The following NPY2R variants were observed in gnomAD, a reference collection of about 807,000 sequenced individuals.
NPY2R encodes neuropeptide Y receptor Y2.
NPY2R carries 17 observed loss-of-function variants against 22.3 expected under a neutral mutation model. The ratio of observed to expected loss-of-function variants is 0.76; its 90% CI spans 0.52 to 1.14. The LOEUF is 1.14. Among genes scored for constraint, NPY2R ranks in the 50% most tolerant of loss-of-function variants. NPY2R has a pLI of 0.00. For synonymous variants in NPY2R, 209 were observed against 183.4 expected (o/e 1.14, Z -1.13); for missense variants, 424 against 467.9 (o/e 0.91, Z 0.87).
the NPY2R span, among the ~76,000 whole-genome samples, chr4:155,175,480 A>G: frequency 6.6e-6 from 1 of 152,128 alleles, no homozygotes; most frequent in Non-Finnish European, 1.5e-5. Flanking sequence ...TCCAAATCTT[A>G]GCCTAGTCTT....
chr4:155,178,027 A>G, the NPY2R span, among the ~76,000 whole-genome samples: 1 of 152,094 alleles, frequency 6.6e-6, no homozygotes, highest in Non-Finnish European at 1.5e-5. Context: ...AAACAGTCTA[A>G]TTTTAGTTAT....
At chr4:155,194,983 T>A in the NPY2R span, among the ~76,000 whole-genome samples, 1 of 152,098 alleles carries the variant, frequency 6.6e-6, no homozygotes, top group South Asian at 2.1e-4. Context: ...TCTCTAATGA[T>A]CAGGCATTTT....
chr4:155,203,495 G>C, the NPY2R span, among the ~76,000 whole-genome samples: 5 of 152,102 alleles, frequency 3.3e-5, no homozygotes, highest in African/African-American at 1.2e-4. Context: ...CTATTTTAAA[G>C]TAGTACACTT....
chr4:155,179,393 CA>C, the NPY2R span, among the ~76,000 whole-genome samples: 1 of 152,118 alleles, frequency 6.6e-6, no homozygotes, highest in Non-Finnish European at 1.5e-5. Flanking sequence ...AATTTTTTGG[CA>C]AGCTGTCAAG....
chr4:155,193,246 C>A, the NPY2R span, among the ~76,000 whole-genome samples: 2 of 151,832 alleles, frequency 1.3e-5, no homozygotes, highest in Admixed American at 1.3e-4. Context: ...TACCATTACC[C>A]CTCTTTCACA....
At chr4:155,185,732 A>G in the NPY2R span, among the ~76,000 whole-genome samples, 1 of 151,370 alleles carries the variant, frequency 6.6e-6, no homozygotes, top group Non-Finnish European at 1.5e-5. Context: ...CAAGTTGTTG[A>G]AAGTTTCTTG....
At chr4:155,203,552 T>C in the NPY2R span, among the ~76,000 whole-genome samples, 71,886 of 151,748 alleles carry the variant, frequency 0.47, 17,981 homozygotes, top group African/African-American at 0.64. Flanking sequence ...CAATTATATC[T>C]GTTCAGGTAT....
chr4:155,206,426 A>G (rs564388421), upstream of NPY2R: 6 of 152,354 alleles, frequency 3.9e-5, no homozygotes, highest in East Asian at 1.2e-3. Flanking sequence ...ACATTTAAGG[A>G]TATGAATTAG....
upstream of NPY2R, among the ~76,000 whole-genome samples, chr4:155,205,470 C>T (rs554839024): frequency 1.3e-4 from 20 of 152,228 alleles, 1 homozygote; most frequent in South Asian, 3.9e-3. Flanking sequence ...CACAAGTGGT[C>T]CTCAATACTG....
chr4:155,208,095 G>C (rs551483225), upstream of NPY2R: 2 of 152,394 alleles, frequency 1.3e-5, no homozygotes, highest in Non-Finnish European at 2.9e-5. The surrounding 1 kb of genome is among the most constrained non-coding windows in gnomAD (Gnocchi z 5.6). Flanking sequence ...CCCTGGGCGA[G>C]GGTGCGGAGG....
the NPY2R span, among the ~76,000 whole-genome samples, chr4:155,185,305 T>C: frequency 1.3e-5 from 2 of 152,140 alleles, no homozygotes; most frequent in African/African-American, 4.8e-5. Context: ...CCCAAAGTGA[T>C]GGGATTACAG....
chr4:155,174,462 T>TATATATATACATATATATATATATATA, the NPY2R span, among the ~76,000 whole-genome samples: 1 of 116,674 alleles, frequency 8.6e-6, no homozygotes, highest in African/African-American at 4.5e-5. Context: ...TGGCTAAGCT[T>TATATATATACATATATATATATATATA]TATATATATA....
At position 155,215,032 on chromosome 4, in the gene NPY2R, G is replaced by T. The variant is rs773627985; in HGVS notation, c.1093G>T (p.Val365Phe). 1.2e-6 allele frequency: 2 copies of T among 1,613,948 alleles called. No homozygotes were observed. Among genetic ancestry groups the T allele is most frequent in the South Asian group, 2.2e-5 (2 of 91,088 alleles). ...ATTCAAGGCTAAAAAGAACCTGGAG[G>T]TCAGAAAGAACAGTGGCCCCAATGA... is the stretch of plus-strand genomic sequence containing the variant. ...VTFKAKKNLE[V>F]RKNSGPNDSF... is the part of the protein sequence containing the mutation. The change falls in exon 2 of 2, where the codon GTC (valine) becomes TTC (phenylalanine). Residue 365 changes from valine (V) to phenylalanine (F), a missense_variant. Transcript: ENST00000329476.
At chr4:155,210,389 G>T (rs939194973) in intron 1 of NPY2R, among the ~76,000 whole-genome samples, 1 of 152,154 alleles carries the variant, frequency 6.6e-6, no homozygotes, top group Non-Finnish European at 1.5e-5. Context: ...AAAAAGCAAA[G>T]CAAATCAAAA....
chr4:155,177,381 T>C, the NPY2R span, among the ~76,000 whole-genome samples: 1 of 152,192 alleles, frequency 6.6e-6, no homozygotes, highest in East Asian at 1.9e-4. Context: ...AAAGGGCTAA[T>C]GGGTACCGAG....
the NPY2R span, among the ~76,000 whole-genome samples, chr4:155,183,639 AAGGCATCAAC>A: frequency 4.6e-5 from 7 of 152,174 alleles, no homozygotes; most frequent in Non-Finnish European, 1.0e-4. Context: ...TTGCAAGAAG[AAGGCATCAAC>A]AGATGTTTTA....
the NPY2R span, among the ~76,000 whole-genome samples, chr4:155,186,572 C>G: frequency 6.6e-6 from 1 of 152,022 alleles, no homozygotes; most frequent in African/African-American, 2.4e-5. Context: ...TTACCTGATA[C>G]GCTTGCTAAT....
chr4:155,208,212 G>T (rs1212339722), upstream of NPY2R: 3 of 152,264 alleles, frequency 2.0e-5, no homozygotes, highest in Non-Finnish European at 2.9e-5. This position sits in a 1 kb window ranked among gnomAD's most constrained non-coding sequence, Gnocchi z 5.6. Flanking sequence ...TCGATTGGAA[G>T]TTGTGGAATT....
chr4:155,199,634 A>C, the NPY2R span, among the ~76,000 whole-genome samples: 1 of 152,176 alleles, frequency 6.6e-6, no homozygotes, highest in Non-Finnish European at 1.5e-5. Context: ...AGTCTACAGC[A>C]ACCAAAATAG....
Sources: gnomAD v4.1 joint callset for allele counts (sites outside exome capture counted in the v4.1 genomes callset) on GRCh38, gnomAD v4.1.1 for gene constraint, Gnocchi (gnomAD v3.1) non-coding constraint, MANE v1.5 for transcripts, NCBI Gene and HGNC (gene_info 2026-07-23, HGNC 2026-07-21) for gene names.